ALOX15B: variants seen among roughly 807,000 people sequenced by gnomAD.
ALOX15B encodes polyunsaturated fatty acid lipoxygenase ALOX15B.
ALOX15B carries 74 observed loss-of-function variants against 73.8 expected under a neutral mutation model. The ratio of observed to expected loss-of-function variants is 1.00; its 90% CI spans 0.83 to 1.22. The LOEUF (loss-of-function observed/expected upper bound fraction) is 1.22, where lower values mean the gene tolerates loss of function less well. ALOX15B is among the 50% of genes most tolerant of loss of function. ALOX15B has a pLI of 0.00. For synonymous variants in ALOX15B, 353 were observed against 357.2 expected (o/e 0.99, Z 0.13); for missense variants, 896 against 859.9 (o/e 1.04, Z -0.52).
chr17:8,040,080 A>T, intron 3 of ALOX15B, 97 bp downstream of exon 3: 2 of 1,166,886 alleles, frequency 1.7e-6, no homozygotes, highest in Non-Finnish European at 2.4e-6. Context: ...CCCTGCCTCC[A>T]CCTCTCCTAT....
At chr17:8,044,763 T>TG in intron 5 of ALOX15B, 66 bp from the exon 6 acceptor site, 3 of 552,894 alleles carry the variant, frequency 5.4e-6, no homozygotes, top group South Asian at 3.4e-5. Flanking sequence ...CCCGTCCCCG[T>TG]GTCCCCCACC....
chr17:8,047,410 G>C (rs1396119337), intron 11 of ALOX15B, 31 bp downstream of exon 11: 1 of 1,612,210 alleles, frequency 6.2e-7, no homozygotes, highest in Non-Finnish European at 8.5e-7. Context: ...AGGCGCATTT[G>C]AGTGAGCCCA....
At chr17:8,042,677 G>A (rs1976493569) in intron 4 of ALOX15B, 104 bp from the exon 5 acceptor site, 1 of 1,341,374 alleles carries the variant, frequency 7.5e-7, no homozygotes, top group Non-Finnish European at 1.0e-6. Context: ...GACTACCTTG[G>A]GCCCGGAGGC....
Position 8,048,793 on chromosome 17 carries a change from C to T in ALOX15B, c.*228C>T. ...CCAAGAACAGAGTCTCAGGACAGAA[C>T]CACTGAGTCTTTTGGAGGCTCCAAG... On this transcript the variant is annotated 3_prime_UTR_variant, in exon 14 of 14. Coordinates refer to ENST00000380183, the MANE Select transcript of ALOX15B (RefSeq NM_001141.3). 1 of 473,046 alleles carries T rather than the reference C, an allele frequency of 2.1e-6. No homozygotes were observed. The highest frequency in any genetic ancestry group is 3.6e-6 in the Non-Finnish European group (1 of 274,220). 29.3% of individuals were successfully genotyped at this position (473,046 alleles called of 1,614,324 possible).
chr17:8,047,397 C>G lies in ALOX15B; in HGVS notation c.1579+18C>G. The stretch of plus-strand genomic sequence containing the variant: ...GAGCTCAGGTACAGGGACCTCAGCC[C>G]TCAGGCGCATTTGAGTGAGCCCATC... On this transcript the variant is annotated intron_variant, in intron 11 of 13. Transcript: ENST00000380183. 6.2e-7 allele frequency: 1 copy of G among 1,613,248 alleles called. No individual in the cohort carries two copies. Among genetic ancestry groups the G allele is most frequent in the South Asian group, 1.1e-5 (1 of 91,028 alleles).
chr17:8,048,568 C>A lies in ALOX15B; in HGVS notation c.*3C>A. ...TCGAGAACAGCGTCTCCATCTAAAT[C>A]CCAGGGGAACACAGGCCCAGATGAC... On this transcript the variant is annotated 3_prime_UTR_variant, in exon 14 of 14. Transcript: ENST00000380183. 3 of 1,612,554 alleles carry A rather than the reference C, an allele frequency of 1.9e-6. No homozygotes were observed. The highest frequency in any genetic ancestry group is 1.7e-6 in the Non-Finnish European group (2 of 1,179,040).
chr17:8,043,431 A>G (rs1317110642), intron 5 of ALOX15B, among the ~76,000 whole-genome samples: 3 of 152,250 alleles, frequency 2.0e-5, no homozygotes, highest in African/African-American at 7.2e-5. Flanking sequence ...TGGAGGAAAG[A>G]AAACACCACT....
chr17:8,039,716 A>G, intron 2 of ALOX15B, 111 bp downstream of exon 2: 1 of 1,256,672 alleles, frequency 8.0e-7, no homozygotes, highest in South Asian at 1.5e-5. Flanking sequence ...GTGGCCACAG[A>G]GTAGCGGGCA....
At chr17:8,044,160 G>GAA (rs1598164010) in intron 5 of ALOX15B, among the ~76,000 whole-genome samples, 1 of 150,892 alleles carries the variant, frequency 6.6e-6, no homozygotes, top group Non-Finnish European at 1.5e-5. Context: ...AGGAAAGAAA[G>GAA]AAAAGGAAAA....
chr17:8,041,853 G>A (rs2151812303), intron 3 of ALOX15B, among the ~76,000 whole-genome samples: 1 of 152,320 alleles, frequency 6.6e-6, no homozygotes, highest in East Asian at 1.9e-4. Flanking sequence ...CCCTGTCCCA[G>A]GATAGTCTCG....
At chr17:8,047,472 C>A in intron 11 of ALOX15B, 92 bp from the exon 12 acceptor site, 1 of 1,585,690 alleles carries the variant, frequency 6.3e-7, no homozygotes, top group Admixed American at 1.7e-5. Flanking sequence ...GCCCCGTCCC[C>A]GTGTCCCCCA....
chr17:8,042,271 C>G, intron 3 of ALOX15B, 98 bp from the exon 4 acceptor site: 3 of 1,471,070 alleles, frequency 2.0e-6, no homozygotes, highest in South Asian at 2.6e-5. Flanking sequence ...AGGGGTCTGG[C>G]TGTGACCAGG....
chr17:8,047,680 C>T lies in ALOX15B; in HGVS notation c.1680+16C>T, dbSNP rs780861973. 16 of 1,612,642 alleles carry T rather than the reference C, an allele frequency of 9.9e-6. No individual in the cohort carries two copies. Among genetic ancestry groups the T allele is most frequent in the South Asian group, 4.4e-5 (4 of 90,876 alleles). ...TGCAGGGCAGGTGAGGAAAGGCCAG[C>T]GCCCGAGGTGGCAGGCTGGAGGTGA... is the stretch of plus-strand genomic sequence containing the variant. On this transcript the variant is annotated intron_variant, in intron 12 of 13. Coordinates refer to ENST00000380183, the MANE Select transcript of ALOX15B (RefSeq NM_001141.3).
chr17:8,045,133 C>CCCGAAACACACTCCTCTCCCAGCCCTGAT, intron 6 of ALOX15B, 105 bp from the exon 7 acceptor site: 1 of 1,592,202 alleles, frequency 6.3e-7, no homozygotes, highest in Non-Finnish European at 8.6e-7. Flanking sequence ...AGCACACTCT[C>CCCGAAACACACTCCTCTCCCAGCCCTGAT]CCGAAACACA....
chr17:8,047,857 A>G lies in ALOX15B; in HGVS notation c.1793A>G (p.Asn598Ser), dbSNP rs1334950728. 13 of 1,614,172 alleles carry G rather than the reference A, an allele frequency of 8.1e-6. No individual in the cohort carries two copies. The highest frequency in any genetic ancestry group is 5.5e-5 in the South Asian group (5 of 91,078). ...EGFIATLPPV[N>S]ATCDVILALW... ...TTCATAGCCACCCTCCCACCTGTCA[A>G]TGCCACATGTGATGTCATCCTTGCT... is the stretch of plus-strand genomic sequence containing the variant. Residue 598 changes from asparagine to serine, a missense_variant, in exon 13 of 14, where the codon AAT becomes AGT. Transcript: ENST00000380183.
intron 3 of ALOX15B, among the ~76,000 whole-genome samples, chr17:8,040,627 G>C (rs1211506007): frequency 4.6e-5 from 6 of 129,266 alleles, no homozygotes; most frequent in African/African-American, 1.6e-4. Flanking sequence ...AAGAAAGAAA[G>C]AAAGAAAGAA....
intron 3 of ALOX15B, 88 bp downstream of exon 3, chr17:8,040,071 C>G (rs1976395936): frequency 8.3e-7 from 1 of 1,210,904 alleles, no homozygotes; most frequent in Non-Finnish European, 1.2e-6. Context: ...ATTAAAAGCC[C>G]CTGCCTCCAC....
Position 8,042,873 on chromosome 17 carries a change from C to T in ALOX15B, c.665C>T (p.Thr222Ile), listed in dbSNP as rs1398113770. 2 of 1,552,414 alleles carry T rather than the reference C, an allele frequency of 1.3e-6. No homozygotes were observed. The highest frequency in any genetic ancestry group is 1.7e-6 in the Non-Finnish European group (2 of 1,147,486). The change falls in exon 5 of 14, where the codon ACC becomes ATC. Residue 222 changes from threonine (T) to isoleucine (I), a missense_variant. Transcript: ENST00000380183. Reference protein sequence around the residue: ...EMKRIFNFRRTPAAEHAFEHW... With the variant: ...EMKRIFNFRRIPAAEHAFEHW... Reference sequence around the variant, plus strand: ...AAAAGGATCTTCAACTTCCGGAGGACCCCAGCAGCTGGTGAGGAGCTTGGG... The same window carrying T: ...AAAAGGATCTTCAACTTCCGGAGGATCCCAGCAGCTGGTGAGGAGCTTGGG...
intron 3 of ALOX15B, among the ~76,000 whole-genome samples, chr17:8,040,539 T>A (rs1598161184): frequency 2.3e-5 from 2 of 87,732 alleles, no homozygotes. Context: ...CAAAACTCCA[T>A]CTCAAAAAAA....
Sources: allele counts gnomAD v4.1 joint callset (sites outside exome capture counted in the v4.1 genomes callset), GRCh38; gene constraint gnomAD v4.1.1; transcripts MANE v1.5; gene names NCBI Gene and HGNC (gene_info 2026-07-23, HGNC 2026-07-21).